Variants in MPRIP observed in about 807,000 individuals in gnomAD.
MPRIP encodes the protein myosin phosphatase Rho interacting protein, also known as myosin phosphatase Rho-interacting protein.
A neutral mutation model predicts 234.9 loss-of-function variants in MPRIP; 59 were observed. The ratio of observed to expected loss-of-function variants is 0.25; its 90% CI spans 0.20 to 0.31. The LOEUF is 0.31. Among genes scored for constraint, MPRIP ranks in the 10% least tolerant of loss-of-function variants. MPRIP has a pLI of 1.00. For missense variants in MPRIP, 2,436 were observed against 3,071.0 expected, an observed-to-expected ratio of 0.79 and a Z score of 4.89; for synonymous variants, 1,144 against 1,263.9, an observed-to-expected ratio of 0.91 and a Z score of 2.01.
In MPRIP at chr17:17,169,097, A is replaced by C. The variant is rs139771262; in HGVS notation, c.6324+1182A>C. ...GCTCTTTTTCACCATTCTTTCCCCA[A>C]ATCAGTCAAAACCTTTTAAAAACCA... On this transcript the variant is annotated intron_variant, in intron 16 of 23. Coordinates refer to ENST00000651222, the MANE Select transcript of MPRIP (RefSeq NM_001364716.4). The C allele has an allele frequency of 2.0e-4, 85 of 430,030 alleles. 1 individual carries two copies. The highest frequency in any genetic ancestry group is 1.6e-3 in the African/African-American group (79 of 48,904). 26.6% of individuals were successfully genotyped at this position (430,030 alleles called of 1,614,324 possible).
intron 3 of MPRIP, among the ~76,000 whole-genome samples, chr17:17,084,582 G>A (rs1257516160): frequency 1.3e-5 from 2 of 152,248 alleles, no homozygotes; most frequent in African/African-American, 2.4e-5. Flanking sequence ...TGCTGAGAGA[G>A]GGATGGTGTC....
intron 6 of MPRIP, 132 bp downstream of exon 6, chr17:17,136,582 C>A: frequency 1.2e-6 from 1 of 867,916 alleles, no homozygotes; most frequent in Non-Finnish European, 1.8e-6. Flanking sequence ...TGTCCATCAG[C>A]CCTGGGGGTA....
chr17:17,189,931 A>T lies in MPRIP; in HGVS notation c.*5037A>T, dbSNP rs528915221. 1.2e-4 allele frequency: 18 copies of T among 152,356 alleles called. No individual in the cohort carries two copies. The highest frequency in any genetic ancestry group is 2.6e-4 in the Non-Finnish European group (18 of 68,040). 9.4% of individuals were successfully genotyped at this position (152,356 alleles called of 1,614,324 possible). ...CCACTTTCTAAAAGGACTTGGGAAGAAAGCTGCTGGGAACTTGCTTATTAA... is the reference window on the plus strand; with the variant it reads ...CCACTTTCTAAAAGGACTTGGGAAGTAAGCTGCTGGGAACTTGCTTATTAA... On this transcript the variant is annotated 3_prime_UTR_variant, in exon 24 of 24. Coordinates refer to ENST00000651222, the MANE Select transcript of MPRIP (RefSeq NM_001364716.4).
chr17:17,095,948 T>A (rs972583678), intron 3 of MPRIP, among the ~76,000 whole-genome samples: 2 of 152,216 alleles, frequency 1.3e-5, no homozygotes, highest in African/African-American at 2.4e-5. Flanking sequence ...ATATCTTATA[T>A]CTGCTCTTGT....
chr17:17,085,219 G>T (rs1262816619), intron 3 of MPRIP, among the ~76,000 whole-genome samples: 1 of 152,156 alleles, frequency 6.6e-6, no homozygotes, highest in African/African-American at 2.4e-5. Context: ...GGCACCTCCC[G>T]GGCTATTCGG....
chr17:17,101,485 G>A (rs981993481), intron 3 of MPRIP, among the ~76,000 whole-genome samples: 3 of 152,172 alleles, frequency 2.0e-5, no homozygotes, highest in African/African-American at 7.2e-5. Flanking sequence ...CAGGAGAATC[G>A]CTTGAACTCG....
chr17:17,082,152 T>C lies in MPRIP; in HGVS notation c.267+4076T>C, dbSNP rs2089475994. Among the ~76,000 whole-genome samples the C allele has an allele frequency of 2.0e-5, 3 of 152,096 alleles. No individual in the cohort carries two copies. In the South Asian group the frequency reaches 6.2e-4, roughly 32 times the overall value. ...GTCACCAGACATCACTAGAAGGCTCTTGGGAGGAGCTCCAGGTCTAGAAGG... is the reference window on the plus strand; with the variant it reads ...GTCACCAGACATCACTAGAAGGCTCCTGGGAGGAGCTCCAGGTCTAGAAGG... On this transcript the variant is annotated intron_variant, in intron 3 of 23. Coordinates refer to ENST00000651222, the MANE Select transcript of MPRIP (RefSeq NM_001364716.4).
At position 17,138,275 on chromosome 17, in the gene MPRIP, A is replaced by G; in HGVS notation, c.1096A>G (p.Ser366Gly). Residue 366 changes from serine to glycine, a missense_variant, in exon 7 of 24, where the codon AGC (serine) becomes GGC (glycine). Coordinates refer to ENST00000651222, the MANE Select transcript of MPRIP (RefSeq NM_001364716.4). The surrounding 1 kb of genome is among the most constrained non-coding windows in gnomAD (Gnocchi z 5.8). Reference protein sequence around the residue: ...RLGSAFAFKASRQYATLADVP... With the variant: ...RLGSAFAFKAGRQYATLADVP... ...GGGGAGCGCCTTTGCCTTTAAAGCC[A>G]GCAGGCAATATGCCACCCTGGCCGA... 1 of 482,590 alleles carries G rather than the reference A, an allele frequency of 2.1e-6. No individual in the cohort carries two copies. The allele number at this position is 482,590 out of a possible 1,614,324, so 29.9% of individuals were successfully genotyped here.
chr17:17,044,864 C>G (rs191862157), intron 1 of MPRIP, among the ~76,000 whole-genome samples: 1 of 152,104 alleles, frequency 6.6e-6, no homozygotes, highest in Non-Finnish European at 1.5e-5. Flanking sequence ...CTTCAGGGCA[C>G]AACTGGAATG....
intron 1 of MPRIP, among the ~76,000 whole-genome samples, chr17:17,043,463 G>A (rs1457932748): frequency 6.6e-6 from 1 of 152,162 alleles, no homozygotes; most frequent in Non-Finnish European, 1.5e-5. Context: ...ATCTGGCGAG[G>A]AGGGTCTTGT....
intron 1 of MPRIP, among the ~76,000 whole-genome samples, chr17:17,044,001 C>A (rs1405903296): frequency 6.6e-6 from 1 of 152,150 alleles, no homozygotes; most frequent in Non-Finnish European, 1.5e-5. Context: ...AACGAGTGAA[C>A]GGGCCTGGTT....
At chr17:17,170,209 A>G (rs896823020) in intron 16 of MPRIP, 3 of 146,616 alleles carry the variant, frequency 2.0e-5, no homozygotes, top group Non-Finnish European at 4.5e-5. Context: ...TTTTTTTTTT[A>G]ATTAAAAAAG....
At chr17:17,157,715 C>T (rs1480828363) in intron 13 of MPRIP, among the ~76,000 whole-genome samples, 1 of 151,950 alleles carries the variant, frequency 6.6e-6, no homozygotes, top group Non-Finnish European at 1.5e-5. Flanking sequence ...GTAATCCCAG[C>T]TACTTGGGAG....
At chr17:17,123,753 G>C (rs1478919615) in intron 3 of MPRIP, among the ~76,000 whole-genome samples, 1 of 151,216 alleles carries the variant, frequency 6.6e-6, no homozygotes, top group Non-Finnish European at 1.5e-5. Context: ...TTAATACCAG[G>C]ATTAAATAAA....
intron 1 of MPRIP, among the ~76,000 whole-genome samples, chr17:17,062,724 C>A (rs1423265100): frequency 6.6e-6 from 1 of 152,202 alleles, no homozygotes; most frequent in Non-Finnish European, 1.5e-5. Flanking sequence ...GGCCAGGTAG[C>A]GTGTTAGGGA....
chr17:17,136,175 G>A (rs2090691130), intron 5 of MPRIP, 44 bp from the exon 6 acceptor site: 1 of 1,611,328 alleles, frequency 6.2e-7, no homozygotes, highest in Non-Finnish European at 8.5e-7. Flanking sequence ...AACCTGAGCT[G>A]TGTGCTCCTG....
intron 3 of MPRIP, among the ~76,000 whole-genome samples, chr17:17,091,407 G>A (rs1486228068): frequency 1.3e-5 from 2 of 152,112 alleles, no homozygotes; most frequent in Non-Finnish European, 1.5e-5. Context: ...GACAGATGCC[G>A]CTTGCTCCGT....
intron 5 of MPRIP, among the ~76,000 whole-genome samples, chr17:17,132,706 G>A (rs2090621382): frequency 6.6e-6 from 1 of 152,240 alleles, no homozygotes; most frequent in Non-Finnish European, 1.5e-5. Flanking sequence ...GTCAGCCTGG[G>A]CCACTCTCAG....
At position 17,184,718 on chromosome 17, in the gene MPRIP, C is replaced by CT. The variant is rs371026953; in HGVS notation, c.7207-104dup. 59 of 817,600 alleles carry CT rather than the reference C, an allele frequency of 7.2e-5. No individual in the cohort carries two copies. In the African/African-American group the frequency reaches 9.5e-4, roughly 13 times the overall value. The allele number at this position is 817,600 out of a possible 1,614,324, so 50.6% of individuals were successfully genotyped here. A position where few individuals can be genotyped will look rare whatever the true frequency, so the allele number is the denominator to read the frequency against. ...ACTAACCGCACCTGCACCCGGCTCTCTGACTGATGCCGGCTCCACCAGCGG... is the reference window on the plus strand; with the variant it reads ...ACTAACCGCACCTGCACCCGGCTCTCTTGACTGATGCCGGCTCCACCAGCGG... On this transcript the variant is annotated intron_variant, in intron 23 of 23. Transcript: ENST00000651222.
Sources: gnomAD v4.1 joint callset for allele counts (sites outside exome capture counted in the v4.1 genomes callset) on GRCh38, gnomAD v4.1.1 for gene constraint, Gnocchi (gnomAD v3.1) non-coding constraint, MANE v1.5 for transcripts, NCBI Gene and HGNC (gene_info 2026-07-23, HGNC 2026-07-21) for gene names.